RPS6KC1: variants seen among roughly 807,000 people sequenced by gnomAD.
RPS6KC1 encodes the protein inactive ribosomal protein S6 kinase delta-1.
In RPS6KC1, 54 loss-of-function variants were observed where a neutral mutation model predicts 103.8. That is an observed-to-expected ratio of 0.52 (90% CI 0.42 to 0.65). The LOEUF is 0.65. Among genes scored for constraint, RPS6KC1 ranks in the 30% least tolerant of loss-of-function variants. RPS6KC1 has a pLI of 0.00. For synonymous variants in RPS6KC1, 439 were observed against 438.7 expected (o/e 1.00, Z -0.01); for missense variants, 1,151 against 1,253.8 (o/e 0.92, Z 1.24).
chr1:213,832,229 G>C, the RPS6KC1 span, among the ~76,000 whole-genome samples: 1 of 152,118 alleles, frequency 6.6e-6, no homozygotes, highest in African/African-American at 2.4e-5. Context: ...CTTAACCTTA[G>C]GGGGAAGAAG....
At chr1:213,104,193 T>C (rs1026816845) in intron 3 of RPS6KC1, among the ~76,000 whole-genome samples, 3 of 152,228 alleles carry the variant, frequency 2.0e-5, no homozygotes, top group African/African-American at 7.2e-5. Flanking sequence ...CTTTCTTAAA[T>C]TGACAGGCTC....
chr1:213,090,202 A>G (rs992398265), intron 3 of RPS6KC1, among the ~76,000 whole-genome samples: 2 of 152,248 alleles, frequency 1.3e-5, no homozygotes, highest in Non-Finnish European at 2.9e-5. Flanking sequence ...TTAAGAAGTC[A>G]TCAGTCTGAG....
At chr1:213,128,558 G>A (rs1288093150) in intron 5 of RPS6KC1, among the ~76,000 whole-genome samples, 1 of 152,172 alleles carries the variant, frequency 6.6e-6, no homozygotes, top group East Asian at 1.9e-4. Flanking sequence ...ATATGAACTA[G>A]GAGAAGGAAT....
the RPS6KC1 span, among the ~76,000 whole-genome samples, chr1:213,363,693 T>TC: frequency 4.7e-5 from 5 of 106,344 alleles, no homozygotes; most frequent in Admixed American, 3.5e-4. Context: ...TTTCTTTCTT[T>TC]CTTTCTTTCC....
the RPS6KC1 span, among the ~76,000 whole-genome samples, chr1:213,683,481 CA>C: frequency 6.6e-6 from 1 of 152,180 alleles, no homozygotes; most frequent in Non-Finnish European, 1.5e-5. Context: ...TCACAAAATA[CA>C]GCCTGGAAAA....
chr1:213,587,875 ACC>A, the RPS6KC1 span, among the ~76,000 whole-genome samples: 1 of 152,168 alleles, frequency 6.6e-6, no homozygotes, highest in Non-Finnish European at 1.5e-5. Context: ...TCCTTCTCCA[ACC>A]ACATGGTGTC....
At chr1:213,346,348 T>C in the RPS6KC1 span, among the ~76,000 whole-genome samples, 2 of 152,072 alleles carry the variant, frequency 1.3e-5, no homozygotes, top group Non-Finnish European at 2.9e-5. Context: ...TAAAGGTAAC[T>C]GGTAGAACAA....
chr1:213,711,207 C>T, the RPS6KC1 span, among the ~76,000 whole-genome samples: 1 of 152,080 alleles, frequency 6.6e-6, no homozygotes, highest in South Asian at 2.1e-4. Context: ...TTGTTCATTC[C>T]TTTTCATTCT....
At chr1:213,761,408 GA>G in the RPS6KC1 span, among the ~76,000 whole-genome samples, 1 of 152,330 alleles carries the variant, frequency 6.6e-6, no homozygotes, top group East Asian at 1.9e-4. Context: ...ATCAGAGCAG[GA>G]GGATATAGTT....
intron 14 of RPS6KC1, among the ~76,000 whole-genome samples, chr1:213,268,398 A>C (rs924486927): frequency 3.3e-5 from 5 of 151,980 alleles, no homozygotes; most frequent in Non-Finnish European, 7.4e-5. Context: ...TTGCTAGCAG[A>C]ACTGCCTTAC....
chr1:213,509,704 G>T, the RPS6KC1 span, among the ~76,000 whole-genome samples: 1 of 152,178 alleles, frequency 6.6e-6, no homozygotes, highest in Admixed American at 6.5e-5. Context: ...AGGTATCAAA[G>T]GGTAAGCAGT....
At chr1:213,783,896 A>G in the RPS6KC1 span, among the ~76,000 whole-genome samples, 1 of 151,112 alleles carries the variant, frequency 6.6e-6, no homozygotes, top group Non-Finnish European at 1.5e-5. Context: ...TGATTTCTGA[A>G]TTAAACAAAT....
the RPS6KC1 span, among the ~76,000 whole-genome samples, chr1:213,576,294 T>A: frequency 6.6e-6 from 1 of 151,620 alleles, no homozygotes; most frequent in Non-Finnish European, 1.5e-5. Flanking sequence ...TTACATTGTA[T>A]GAGGTAATAT....
the RPS6KC1 span, among the ~76,000 whole-genome samples, chr1:213,786,077 G>T: frequency 6.6e-6 from 1 of 152,014 alleles, no homozygotes; most frequent in African/African-American, 2.4e-5. Flanking sequence ...AAAGAAGGAA[G>T]GAAGTGAGGA....
the RPS6KC1 span, among the ~76,000 whole-genome samples, chr1:213,369,988 A>G: frequency 6.6e-6 from 1 of 152,198 alleles, no homozygotes; most frequent in East Asian, 1.9e-4. Flanking sequence ...AAATCTGTCT[A>G]GGAGAGCTGC....
At chr1:213,787,609 T>C in the RPS6KC1 span, among the ~76,000 whole-genome samples, 13 of 151,990 alleles carry the variant, frequency 8.6e-5, no homozygotes, top group Non-Finnish European at 1.6e-4. Context: ...CAGGGAAGAG[T>C]CAAAGATAAC....
the RPS6KC1 span, among the ~76,000 whole-genome samples, chr1:213,573,238 C>G: frequency 1.3e-5 from 2 of 152,162 alleles, no homozygotes; most frequent in Non-Finnish European, 2.9e-5. Context: ...TGGAAACGCC[C>G]CACATTAAAG....
chr1:213,786,743 G>C, the RPS6KC1 span, among the ~76,000 whole-genome samples: 1 of 152,162 alleles, frequency 6.6e-6, no homozygotes, highest in Non-Finnish European at 1.5e-5. Context: ...CGGGATTTTA[G>C]GAAAGAATAT....
the RPS6KC1 span, among the ~76,000 whole-genome samples, chr1:213,437,312 A>T: frequency 1.8e-4 from 27 of 152,124 alleles, no homozygotes; most frequent in Non-Finnish European, 3.8e-4. Flanking sequence ...GATAAATTGC[A>T]TTGACTGATG....
Sources: allele counts gnomAD v4.1 joint callset (sites outside exome capture counted in the v4.1 genomes callset), GRCh38; gene constraint gnomAD v4.1.1; transcripts MANE v1.5; gene names NCBI Gene and HGNC (gene_info 2026-07-23, HGNC 2026-07-21).